The following TSPEAR variants were observed in gnomAD, a reference collection of about 807,000 sequenced individuals.
TSPEAR encodes thrombospondin-type laminin G domain and EAR repeat-containing protein.
A neutral mutation model predicts 71.6 loss-of-function variants in TSPEAR; 69 were observed. The observed-to-expected ratio is 0.96, with a 90% confidence interval of 0.79 to 1.18. The LOEUF is 1.18. Ranked by LOEUF, TSPEAR falls within the 50% of genes most tolerant of loss-of-function variation. The pLI is 0.00. For missense variants in TSPEAR, 971 were observed against 894.9 expected (o/e 1.09, Z -1.09); for synonymous variants, 402 against 387.2 (o/e 1.04, Z -0.45).
chr21:44,696,820 C>T (rs1182665817), intron 1 of TSPEAR, among the ~76,000 whole-genome samples: 1 of 152,298 alleles, frequency 6.6e-6, no homozygotes, highest in African/African-American at 2.4e-5. Flanking sequence ...CCCACGGTCC[C>T]GCTCAGTTCT....
At chr21:44,676,033 C>T in intron 1 of TSPEAR, 4 of 876,316 alleles carry the variant, frequency 4.6e-6, no homozygotes, top group Middle Eastern at 2.4e-4. Flanking sequence ...TTGCTACTAG[C>T]TCCAGATCAC....
Position 44,522,092 on chromosome 21 carries a change from T to C in TSPEAR, c.1357A>G (p.Ser453Gly), listed in dbSNP as rs782003960. The C allele has an allele frequency of 8.1e-6, 13 of 1,613,824 alleles. No homozygotes were observed. The highest frequency in any genetic ancestry group is 2.2e-5 in the East Asian group (1 of 44,866). The change falls in exon 9 of 12, where the codon AGT becomes GGT. Residue 453 changes from serine to glycine, a missense_variant. Ser to Gly is a moderately conservative substitution (Grantham distance 56). Coordinates refer to ENST00000323084, the MANE Select transcript of TSPEAR (RefSeq NM_144991.3). ...HREGDNHNID[S>G]VIYKWNPATR... ...GCCGGGTTCCACTTGTAGATGACAC[T>C]GTCGATGTTGTGGTTGTCGCCTGGA... is the stretch of plus-strand genomic sequence containing the variant.
intron 1 of TSPEAR, among the ~76,000 whole-genome samples, chr21:44,604,060 G>T (rs1981154872): frequency 6.6e-6 from 1 of 152,188 alleles, no homozygotes; most frequent in South Asian, 2.1e-4. Flanking sequence ...GTTTCTATTG[G>T]TTAAACGTGC....
At chr21:44,697,853 ACCT>A in intron 1 of TSPEAR, 2 of 1,599,492 alleles carry the variant, frequency 1.3e-6, no homozygotes, top group African/African-American at 1.4e-5. Flanking sequence ...CTGTGTCCCC[ACCT>A]CCTCCTGCCA....
intron 3 of TSPEAR, among the ~76,000 whole-genome samples, chr21:44,532,282 C>A (rs1250795505): frequency 6.6e-6 from 1 of 152,254 alleles, no homozygotes; most frequent in Non-Finnish European, 1.5e-5. Context: ...CCTGATGAGG[C>A]AGGTGAACGT....
chr21:44,616,361 C>T (rs1982095197), intron 1 of TSPEAR, among the ~76,000 whole-genome samples: 1 of 152,176 alleles, frequency 6.6e-6, no homozygotes, highest in Non-Finnish European at 1.5e-5. Context: ...GGGGTGGGCA[C>T]CTCCCTTCTC....
chr21:44,631,618 C>T (rs1318195214), intron 1 of TSPEAR, among the ~76,000 whole-genome samples: 2 of 152,064 alleles, frequency 1.3e-5, no homozygotes, highest in Admixed American at 6.6e-5. Flanking sequence ...CTCAGCTACT[C>T]GGGAGCCTGA....
chr21:44,523,593 G>A (rs1016463433), intron 8 of TSPEAR, among the ~76,000 whole-genome samples: 10 of 151,684 alleles, frequency 6.6e-5, no homozygotes, highest in Non-Finnish European at 1.3e-4. Context: ...AGTCAGTTCA[G>A]TAGTTAGGTA....
chr21:44,669,810 C>G (rs1402227101), intron 1 of TSPEAR, among the ~76,000 whole-genome samples: 1 of 152,222 alleles, frequency 6.6e-6, no homozygotes, highest in African/African-American at 2.4e-5. Flanking sequence ...ACCCCCAGAA[C>G]ACTAACAAAC....
chr21:44,579,882 AGGCGGGCCTGCATATGG>A, intron 1 of TSPEAR: 1 of 1,600,356 alleles, frequency 6.2e-7, no homozygotes, highest in Non-Finnish European at 8.5e-7. Context: ...GGCAGGCAGC[AGGCGGGCCTGCATATGG>A]GGCGGCAGAG....
chr21:44,609,889 C>G (rs587739412), intron 1 of TSPEAR, among the ~76,000 whole-genome samples: 2 of 152,090 alleles, frequency 1.3e-5, no homozygotes, highest in South Asian at 4.1e-4. Context: ...GAACTTTTCA[C>G]GGGCCTGGTG....
chr21:44,686,405 C>G (rs1986857824), intron 1 of TSPEAR: 1 of 153,876 alleles, frequency 6.5e-6, no homozygotes, highest in Non-Finnish European at 1.4e-5. Context: ...ACCTGCTGCC[C>G]ACCCAGGGCT....
At chr21:44,511,753 A>G (rs1307859308) in intron 9 of TSPEAR, among the ~76,000 whole-genome samples, 7 of 152,244 alleles carry the variant, frequency 4.6e-5, no homozygotes, top group Non-Finnish European at 7.3e-5. Flanking sequence ...GCAGATCCTG[A>G]TGGACTGCCG....
intron 1 of TSPEAR, chr21:44,638,501 G>A (rs1366662934): frequency 8.9e-6 from 3 of 338,952 alleles, no homozygotes; most frequent in Non-Finnish European, 1.8e-5. Context: ...GGGTGAGGTG[G>A]GAAGTGATGC....
intron 1 of TSPEAR, among the ~76,000 whole-genome samples, chr21:44,701,945 T>G (rs146584594): frequency 1.3e-3 from 191 of 152,266 alleles, no homozygotes; most frequent in African/African-American, 4.3e-3. Context: ...CCTTCCACAC[T>G]CCAGCATCTC....
In TSPEAR at chr21:44,580,213, G is replaced by C. The variant is rs782055093; in HGVS notation, c.83-12208C>G. The C allele has an allele frequency of 2.5e-6, 4 of 1,613,992 alleles. No homozygotes were observed. The Admixed American group carries it at 5.0e-5, about 20-fold the overall frequency. ...AGCAGGACTGCTGGCAGGAGGAAGA[G>C]GCACAGCAAGTTGGCTGGCAGCTAG... On this transcript the variant is annotated intron_variant, in intron 1 of 11. Transcript: ENST00000323084.
chr21:44,514,516 T>G (rs1022850294), intron 9 of TSPEAR, among the ~76,000 whole-genome samples: 5 of 152,328 alleles, frequency 3.3e-5, no homozygotes, highest in Non-Finnish European at 7.3e-5. Flanking sequence ...GGACCCCACA[T>G]GCCGACAGCT....
rs782797353 is a variant in TSPEAR, at chr21:44,521,955, G to C, written c.1494C>G (p.Gly498=). ...SFLVVANTFN[G]TSTKVHSHLY... is the part of the protein sequence containing the mutation. The stretch of plus-strand genomic sequence containing the variant: ...GGTGCGAGTGCACCTTGGTGGAGGT[G>C]CCGTTGAAGGTGTTGGCCACCACCA... The change falls in exon 9 of 12, where the codon GGC becomes GGG. Residue 498 remains glycine, a synonymous_variant. Coordinates refer to ENST00000323084, the MANE Select transcript of TSPEAR (RefSeq NM_144991.3). 414 of 1,614,020 alleles carry C rather than the reference G, an allele frequency of 2.6e-4. 1 individual carries two copies. Among genetic ancestry groups the C allele is most frequent in the Non-Finnish European group, 3.2e-4 (383 of 1,180,018 alleles).
intron 10 of TSPEAR, 197 bp downstream of exon 10, chr21:44,509,002 G>A (rs1046312869): frequency 3.6e-5 from 54 of 1,504,050 alleles, no homozygotes; most frequent in Non-Finnish European, 4.5e-5. Flanking sequence ...TCTCAGGGCG[G>A]CACTGACTTC....
Sources: allele counts gnomAD v4.1 joint callset (sites outside exome capture counted in the v4.1 genomes callset), GRCh38; gene constraint gnomAD v4.1.1; transcripts MANE v1.5; gene names NCBI Gene and HGNC (gene_info 2026-07-23, HGNC 2026-07-21).